Variants in MAP2K4 observed in about 807,000 individuals in gnomAD.
MAP2K4 encodes dual specificity mitogen-activated protein kinase kinase 4.
A neutral mutation model predicts 48.5 loss-of-function variants in MAP2K4; 4 were observed. The observed-to-expected ratio is 0.08, with a 90% CI of 0.04 to 0.19. MAP2K4 has a LOEUF of 0.19. Ranked by LOEUF, MAP2K4 falls within the 10% of genes least tolerant of loss-of-function variation. MAP2K4 has a pLI of 1.00. For synonymous variants in MAP2K4, 166 were observed against 173.1 expected (o/e 0.96, Z 0.32); for missense variants, 258 against 493.3 (o/e 0.52, Z 4.52).
rs201578485 is a variant in MAP2K4, at chr17:12,110,436, G to C, written c.685+10G>C. ...AAAATTATTCACAGAGGTGGGTATG[G>C]ATTGGTATTTTTTGTAATAGAAATT... On this transcript the variant is annotated intron_variant, in intron 6 of 10. Coordinates refer to ENST00000353533, the MANE Select transcript of MAP2K4 (RefSeq NM_003010.4). The C allele has an allele frequency of 1.6e-5, 26 of 1,590,404 alleles. No individual in the cohort carries two copies. The African/African-American group carries it at 3.1e-4, about 19-fold the overall frequency.
intron 2 of MAP2K4, among the ~76,000 whole-genome samples, chr17:12,069,316 C>G (rs1390171380): frequency 1.3e-5 from 2 of 152,098 alleles, no homozygotes; most frequent in Non-Finnish European, 2.9e-5. Context: ...GGGCAGTTTT[C>G]CTTACCTTTT....
intron 2 of MAP2K4, among the ~76,000 whole-genome samples, chr17:12,078,840 G>T (rs1971095754): frequency 6.6e-6 from 1 of 152,156 alleles, no homozygotes; most frequent in East Asian, 1.9e-4. Flanking sequence ...TGCTGTATCT[G>T]TGTATAGTCC....
intron 2 of MAP2K4, among the ~76,000 whole-genome samples, chr17:12,076,552 A>G (rs1277277990): frequency 1.3e-5 from 2 of 152,214 alleles, no homozygotes; most frequent in African/African-American, 4.8e-5. Flanking sequence ...TAAATCTCTG[A>G]TATCAAAATA....
Position 12,122,718 on chromosome 17 carries a change from AATT to A in MAP2K4, c.814-2574_814-2572del, listed in dbSNP as rs550238912. Among the ~76,000 whole-genome samples the A allele has an allele frequency of 1.4e-4, 22 of 152,300 alleles. No homozygotes were observed. In the South Asian group the frequency reaches 4.4e-3, roughly 30 times the overall value. On this transcript the variant is annotated intron_variant, in intron 7 of 10. Transcript: ENST00000353533. ...GCATATTTGCCTTATGCCCAATATT[AATT>A]AAAAAGAAAGTGTTCTATATTTCAC...
Position 12,091,086 on chromosome 17 carries a change from T to C in MAP2K4, c.394-4489T>C, listed in dbSNP as rs531702523. On this transcript the variant is annotated intron_variant, in intron 3 of 10. Coordinates refer to ENST00000353533, the MANE Select transcript of MAP2K4 (RefSeq NM_003010.4). ...CTCCCCTGGAGATCTCAGTGTAAAG[T>C]TGGAGGACACCTAGAACAGCACCAC... 7.9e-5 allele frequency among the ~76,000 whole-genome samples: 12 copies of C among 152,328 alleles called. No homozygotes were observed. In the South Asian group the frequency reaches 2.5e-3, roughly 32 times the overall value.
At chr17:12,105,975 C>G (rs1972097138) in intron 4 of MAP2K4, among the ~76,000 whole-genome samples, 2 of 152,198 alleles carry the variant, frequency 1.3e-5, no homozygotes, top group South Asian at 4.1e-4. Flanking sequence ...CATATGTTAA[C>G]TCATTTGCCC....
intron 1 of MAP2K4, among the ~76,000 whole-genome samples, chr17:12,022,375 A>C (rs1346546882): frequency 6.6e-6 from 1 of 152,210 alleles, no homozygotes; most frequent in Non-Finnish European, 1.5e-5. Context: ...TAGTTATTGG[A>C]TGCCCACTGT....
chr17:12,031,579 T>C (rs1282050496), intron 1 of MAP2K4, among the ~76,000 whole-genome samples: 1 of 152,210 alleles, frequency 6.6e-6, no homozygotes, highest in African/African-American at 2.4e-5. Context: ...CTGTATACAG[T>C]GTATACATAA....
At chr17:12,049,365 C>T (rs1328033796) in intron 1 of MAP2K4, among the ~76,000 whole-genome samples, 2 of 152,100 alleles carry the variant, frequency 1.3e-5, no homozygotes, top group Admixed American at 1.3e-4. Flanking sequence ...TAGGGAATAC[C>T]CTGTGGTGTC....
chr17:12,101,402 C>A (rs543556297), intron 4 of MAP2K4, among the ~76,000 whole-genome samples: 1 of 151,994 alleles, frequency 6.6e-6, no homozygotes, highest in African/African-American at 2.4e-5. Context: ...TTGGACTACT[C>A]CAGCTTTATA....
chr17:12,072,794 A>T (rs886288262), intron 2 of MAP2K4, among the ~76,000 whole-genome samples: 1 of 152,214 alleles, frequency 6.6e-6, no homozygotes, highest in Admixed American at 6.5e-5. Context: ...TTATTTCTAT[A>T]AAATTGTTTT....
chr17:12,029,200 C>T (rs12947835), intron 1 of MAP2K4, among the ~76,000 whole-genome samples: 58,842 of 151,588 alleles, frequency 0.39, 11,939 homozygotes, highest in East Asian at 0.57. Flanking sequence ...AATGTGGGAA[C>T]GAGGGTAGGA....
intron 1 of MAP2K4, among the ~76,000 whole-genome samples, chr17:12,053,050 G>C (rs900314241): frequency 6.6e-6 from 1 of 152,092 alleles, no homozygotes; most frequent in African/African-American, 2.4e-5. Context: ...TTTAAATCAG[G>C]CATGGGTAAA....
At chr17:12,048,766 A>G (rs962797351) in intron 1 of MAP2K4, among the ~76,000 whole-genome samples, 2 of 151,762 alleles carry the variant, frequency 1.3e-5, no homozygotes, top group African/African-American at 2.4e-5. Context: ...AAGCGATTCC[A>G]TTGCCTCAGC....
At chr17:12,118,310 A>G (rs1022049288) in intron 7 of MAP2K4, among the ~76,000 whole-genome samples, 2 of 152,216 alleles carry the variant, frequency 1.3e-5, no homozygotes, top group South Asian at 4.1e-4. Context: ...TGCCAAGAGC[A>G]GAAAAACTGT....
intron 7 of MAP2K4, among the ~76,000 whole-genome samples, chr17:12,119,431 C>T (rs1020930065): frequency 4.6e-5 from 7 of 152,062 alleles, no homozygotes; most frequent in Non-Finnish European, 8.8e-5. Flanking sequence ...AAATCAAAAC[C>T]ACAATGAGAT....
chr17:12,049,927 T>C (rs1970082555), intron 1 of MAP2K4, among the ~76,000 whole-genome samples: 1 of 152,204 alleles, frequency 6.6e-6, no homozygotes, highest in Non-Finnish European at 1.5e-5. Flanking sequence ...AAAAAGGTTA[T>C]ACTCTAGAGG....
chr17:12,026,157 A>T (rs1182577096), intron 1 of MAP2K4, among the ~76,000 whole-genome samples: 2 of 152,234 alleles, frequency 1.3e-5, no homozygotes, highest in African/African-American at 2.4e-5. Flanking sequence ...TTTAGAATAC[A>T]TATTTTCTCA....
intron 1 of MAP2K4, chr17:12,032,387 C>A (rs1209630501): frequency 1.9e-6 from 1 of 525,544 alleles, no homozygotes; most frequent in Non-Finnish European, 3.0e-6. Context: ...TTTCAGCTAA[C>A]CAGCCATGGC....
Sources: gnomAD v4.1 joint callset for allele counts (sites outside exome capture counted in the v4.1 genomes callset) on GRCh38, gnomAD v4.1.1 for gene constraint, MANE v1.5 for transcripts, NCBI Gene and HGNC (gene_info 2026-07-23, HGNC 2026-07-21) for gene names.